DCAF1: variants seen among roughly 807,000 people sequenced by gnomAD.
DCAF1 encodes DDB1- and CUL4-associated factor 1.
DCAF1 carries 15 observed loss-of-function variants against 128.0 expected under a neutral mutation model. The ratio of observed to expected loss-of-function variants is 0.12; its 90% CI spans 0.08 to 0.18. The LOEUF is 0.18. DCAF1 is among the 10% of genes least tolerant of loss of function. The pLI is 1.00. For missense variants in DCAF1, 988 were observed against 1,649.5 expected, an observed-to-expected ratio of 0.60 and a Z score of 6.95; for synonymous variants, 610 against 603.0, an observed-to-expected ratio of 1.01 and a Z score of -0.17.
intron 24 of DCAF1, among the ~76,000 whole-genome samples, chr3:51,400,916 A>T (rs1553624650): frequency 1.3e-5 from 2 of 152,058 alleles, no homozygotes; most frequent in African/African-American, 4.8e-5. Flanking sequence ...GCGGATCACG[A>T]CGTCAGGAGA....
chr3:51,483,269 T>C (rs1289744630), intron 3 of DCAF1, among the ~76,000 whole-genome samples: 3 of 150,496 alleles, frequency 2.0e-5, no homozygotes, highest in African/African-American at 2.5e-5. Flanking sequence ...TGAAACCCCG[T>C]CTCTACTAAA....
intron 6 of DCAF1, among the ~76,000 whole-genome samples, chr3:51,459,658 A>G (rs1415836245): frequency 6.6e-6 from 1 of 152,246 alleles, no homozygotes; most frequent in East Asian, 1.9e-4. Flanking sequence ...AAAATCCTCA[A>G]TAAAATACTG....
At chr3:51,416,899 G>C (rs1384022568) in intron 17 of DCAF1, 28 bp from the exon 18 acceptor site, 2 of 1,588,484 alleles carry the variant, frequency 1.3e-6, no homozygotes, top group East Asian at 2.3e-5. Context: ...GAGCACTGAA[G>C]TGACAGATCT....
At chr3:51,446,988 A>AATAATAATAATAATAATG (rs1701926989) in intron 6 of DCAF1, among the ~76,000 whole-genome samples, 1 of 147,726 alleles carries the variant, frequency 6.8e-6, no homozygotes, top group Non-Finnish European at 1.5e-5. Flanking sequence ...TAATAATAAT[A>AATAATAATAATAATAATG]ATAATAATAA....
chr3:51,411,940 G>T (rs754264139), intron 23 of DCAF1, among the ~76,000 whole-genome samples: 1 of 151,654 alleles, frequency 6.6e-6, no homozygotes, highest in Admixed American at 6.6e-5. Flanking sequence ...GTGAAACCCC[G>T]TCTCTACTAA....
At chr3:51,477,979 T>C (rs1705687660) in intron 3 of DCAF1, among the ~76,000 whole-genome samples, 1 of 152,144 alleles carries the variant, frequency 6.6e-6, no homozygotes, top group African/African-American at 2.4e-5. Context: ...TATTTTGTGC[T>C]ACTATGCATT....
Position 51,419,247 on chromosome 3 carries a change from G to C in DCAF1, c.3237-371C>G, listed in dbSNP as rs1436862130. Reference sequence around the variant, plus strand: ...ATGGTGGTGCCTGCCTGTAATCCCAGCTACTCAGGAGGCTGAGGCAGGAGA... The same window carrying C: ...ATGGTGGTGCCTGCCTGTAATCCCACCTACTCAGGAGGCTGAGGCAGGAGA... On this transcript the variant is annotated intron_variant, in intron 15 of 24. Coordinates refer to ENST00000684031, the MANE Select transcript of DCAF1 (RefSeq NM_001387579.1). Among the ~76,000 whole-genome samples the C allele has an allele frequency of 2.6e-5, 4 of 151,940 alleles. No individual in the cohort carries two copies. The East Asian group carries it at 7.7e-4, about 29-fold the overall frequency.
intron 6 of DCAF1, among the ~76,000 whole-genome samples, chr3:51,458,099 A>G (rs1283881810): frequency 1.3e-5 from 2 of 152,246 alleles, no homozygotes; most frequent in East Asian, 1.9e-4. Flanking sequence ...AAATGCTCCA[A>G]TTAAAAGACA....
chr3:51,423,387 A>G (rs1699596321), intron 13 of DCAF1, among the ~76,000 whole-genome samples: 2 of 152,122 alleles, frequency 1.3e-5, no homozygotes, highest in South Asian at 4.2e-4. Flanking sequence ...CTGTAGTCCC[A>G]GCTACTCGGG....
intron 13 of DCAF1, among the ~76,000 whole-genome samples, chr3:51,425,462 A>C (rs1699818656): frequency 6.6e-6 from 1 of 151,068 alleles, no homozygotes; most frequent in Non-Finnish European, 1.5e-5. Flanking sequence ...ACAGAGCAAG[A>C]CTCTGTCTCC....
chr3:51,443,744 T>C, intron 7 of DCAF1, 22 bp downstream of exon 7: 1 of 1,572,358 alleles, frequency 6.4e-7, no homozygotes, highest in South Asian at 1.2e-5. Flanking sequence ...TATATAAAAA[T>C]TTATTCTAAC....
intron 13 of DCAF1, among the ~76,000 whole-genome samples, chr3:51,426,054 T>C (rs1020479109): frequency 5.9e-5 from 9 of 152,192 alleles, no homozygotes; most frequent in Non-Finnish European, 1.3e-4. Flanking sequence ...CATTCTCTCA[T>C]TGCATAGTAA....
chr3:51,502,565 ATT>A (rs1371766004), upstream of DCAF1, among the ~76,000 whole-genome samples: 1 of 151,578 alleles, frequency 6.6e-6, no homozygotes, highest in African/African-American at 2.4e-5. Flanking sequence ...TCAAAAAAAA[ATT>A]TTTTTTTAAT....
At chr3:51,397,245 A>C (rs1553623287), downstream of DCAF1, 1 of 166,904 alleles carries the variant, frequency 6.0e-6, no homozygotes, top group Non-Finnish European at 1.5e-5. Flanking sequence ...GTGGGAAGGA[A>C]AACAGGGTGG....
At position 51,420,508 on chromosome 3, in the gene DCAF1, A is replaced by T; in HGVS notation, c.2462T>A (p.Leu821His). Residue 821 changes from leucine to histidine, a missense_variant, in exon 15 of 25, where the codon CTT (leucine) becomes CAT (histidine). By Grantham distance (99) the Leu-to-His change is moderately conservative (BLOSUM62 -3). This residue lies in a region of DCAF1 where 76 missense variants were observed against 186.9 expected (regional missense o/e 0.41). Transcript: ENST00000684031. The surrounding 1 kb of genome is among the most constrained non-coding windows in gnomAD (Gnocchi z 6.5). The stretch of plus-strand genomic sequence containing the variant: ...TAGGGAAACATCAGTGCCAATGAGA[A>T]GTGGTTTTCCTGACACCCGTTCAAT... The part of the protein sequence containing the change: ...ELIERVSGKP[L>H]LIGTDVSLAR... 6.2e-7 allele frequency: 1 copy of T among 1,613,928 alleles called. No homozygotes were observed.
At chr3:51,488,411 C>T (rs1466005858) in intron 2 of DCAF1, among the ~76,000 whole-genome samples, 6 of 152,324 alleles carry the variant, frequency 3.9e-5, no homozygotes, top group African/African-American at 1.4e-4. Context: ...AGGCACATGG[C>T]TCACGCCTGT....
rs2108641776 is a variant in DCAF1, at chr3:51,499,934, A to C, written c.-117T>G. 7.3e-6 allele frequency: 1 copy of C among 136,780 alleles called. No individual in the cohort carries two copies. Among genetic ancestry groups the C allele is most frequent in the Non-Finnish European group, 1.6e-5 (1 of 63,958 alleles). The allele number at this position is 136,780 out of a possible 1,614,324, so 8.5% of individuals were successfully genotyped here. ...CCGCCAGTGGCCACAGTTCACACAC[A>C]CACAGCCTCAGGTCCCGCACTCACT... is the stretch of plus-strand genomic sequence containing the variant. On this transcript the variant is annotated 5_prime_UTR_variant, in exon 1 of 25. Coordinates refer to ENST00000684031, the MANE Select transcript of DCAF1 (RefSeq NM_001387579.1).
chr3:51,480,798 T>C (rs1706093811), intron 3 of DCAF1, among the ~76,000 whole-genome samples: 1 of 152,058 alleles, frequency 6.6e-6, no homozygotes, highest in Non-Finnish European at 1.5e-5. Context: ...CATTCATGTG[T>C]ATGTATTTTA....
At chr3:51,438,901 G>A (rs189399295) in intron 9 of DCAF1, among the ~76,000 whole-genome samples, 5 of 152,238 alleles carry the variant, frequency 3.3e-5, no homozygotes, top group Admixed American at 1.3e-4. Context: ...ATGAGCCACC[G>A]CGCTGCGCCG....
Sources: allele counts gnomAD v4.1 joint callset (sites outside exome capture counted in the v4.1 genomes callset), GRCh38; gene constraint gnomAD v4.1.1; regional missense constraint gnomAD v4.1.1; non-coding constraint Gnocchi (gnomAD v3.1); transcripts MANE v1.5; gene names NCBI Gene and HGNC (gene_info 2026-07-23, HGNC 2026-07-21).